Variants in OVCH1 observed in about 807,000 individuals in gnomAD.
The protein encoded by OVCH1 is ovochymase-1.
Under a neutral mutation model 138.4 loss-of-function variants are expected in OVCH1, and 139 were observed. The ratio of observed to expected loss-of-function variants is 1.00; its 90% CI spans 0.87 to 1.16. OVCH1 has a LOEUF of 1.16. Among genes scored for constraint, OVCH1 ranks in the 50% most tolerant of loss-of-function variants. The probability of loss-of-function intolerance (pLI) is 0.00; values close to 1 mark genes in which losing one functional copy is unlikely to be tolerated. For synonymous variants in OVCH1, 453 were observed against 467.8 expected (o/e 0.97, Z 0.41); for missense variants, 1,367 against 1,357.9 (o/e 1.01, Z -0.11).
exon 25 of OVCH1, chr12:29,443,380 T>C: frequency 1.2e-6 from 2 of 1,611,172 alleles, no homozygotes; most frequent in Non-Finnish European, 1.7e-6. Context: ...TTTTTCCTGG[T>C]CCAAATCCTT....
intron 16 of OVCH1, 41 bp downstream of exon 16, chr12:29,471,761 G>A (rs774035403): frequency 5.8e-6 from 9 of 1,550,672 alleles, no homozygotes; most frequent in Non-Finnish European, 7.9e-6. Flanking sequence ...ACTTACAAAT[G>A]CATGTGCTAA....
chr12:29,497,520 G>C, intron 1 of OVCH1, 103 bp downstream of exon 1: 1 of 1,349,424 alleles, frequency 7.4e-7, no homozygotes, highest in Non-Finnish European at 1.0e-6. Context: ...CCTCAGGTGT[G>C]GCTATACCAC....
chr12:29,496,578 G>T, exon 2 of OVCH1: 1 of 1,611,186 alleles, frequency 6.2e-7, no homozygotes, highest in Non-Finnish European at 8.5e-7. Context: ...TCCAGTCACT[G>T]TTGAATTTCT....
At chr12:29,474,060 A>AACACACACACAT (rs1942610222) in intron 14 of OVCH1, among the ~76,000 whole-genome samples, 1 of 115,232 alleles carries the variant, frequency 8.7e-6, no homozygotes, top group Non-Finnish European at 1.9e-5. Context: ...ATACTTAATA[A>AACACACACACAT]ACACACACAC....
intron 27 of OVCH1, among the ~76,000 whole-genome samples, chr12:29,429,680 G>A (rs1255137774): frequency 1.3e-5 from 2 of 152,166 alleles, no homozygotes; most frequent in Non-Finnish European, 2.9e-5. Context: ...AAGTCCAAGT[G>A]TAATTCAGCA....
chr12:29,482,878 C>G (rs1239895423), intron 8 of OVCH1, among the ~76,000 whole-genome samples: 2 of 152,234 alleles, frequency 1.3e-5, no homozygotes, highest in African/African-American at 4.8e-5. Flanking sequence ...TATACAAATA[C>G]TTTGCTCAAA....
chr12:29,427,926 GA>G (rs1941205889), intron 27 of OVCH1, among the ~76,000 whole-genome samples: 1 of 152,102 alleles, frequency 6.6e-6, no homozygotes, highest in South Asian at 2.1e-4. Flanking sequence ...TGACACCTCT[GA>G]AATTTTGATT....
chr12:29,414,736 G>GA (rs1003970032), intron 3 of OVCH1, among the ~76,000 whole-genome samples: 11 of 151,274 alleles, frequency 7.3e-5, no homozygotes, highest in African/African-American at 1.5e-4. Flanking sequence ...CCTAGACCTG[G>GA]AAAAAAAAAA....
chr12:29,479,262 G>A (rs1236701204), intron 8 of OVCH1, among the ~76,000 whole-genome samples: 1 of 152,118 alleles, frequency 6.6e-6, no homozygotes, highest in Non-Finnish European at 1.5e-5. Flanking sequence ...AGATTCATGT[G>A]AGTTATTCAC....
exon 16 of OVCH1, chr12:29,471,980 C>T: frequency 1.2e-6 from 2 of 1,608,396 alleles, no homozygotes; most frequent in Non-Finnish European, 1.7e-6. Flanking sequence ...ATGCCACAGA[C>T]ATCTACAGTA....
intron 7 of OVCH1, 74 bp from the exon 8 acceptor site, chr12:29,486,422 G>T: frequency 8.4e-7 from 1 of 1,196,934 alleles, no homozygotes; most frequent in Non-Finnish European, 1.2e-6. Flanking sequence ...ACAATGTGAA[G>T]TTAAAAGAAT....
chr12:29,428,633 T>C (rs1421368333), intron 27 of OVCH1, among the ~76,000 whole-genome samples: 1 of 152,200 alleles, frequency 6.6e-6, no homozygotes, highest in Non-Finnish European at 1.5e-5. Flanking sequence ...AGAGCCATAC[T>C]TACTGATAGG....
intron 9 of OVCH1, 128 bp from the exon 11 acceptor site, chr12:29,477,606 C>G: frequency 6.2e-7 from 1 of 1,608,852 alleles, no homozygotes; most frequent in East Asian, 2.2e-5. Flanking sequence ...TTTAATGGTC[C>G]TTTGATCATT....
Position 29,450,491 on chromosome 12 carries a change from G to A in OVCH1, c.2755+854C>T, listed in dbSNP as rs548372267. On this transcript the variant is annotated intron_variant, in intron 22 of 27. Transcript: ENST00000318184. ...ATACCATCTCACTCCAGTTAGAATGGCGATTATTAAAAAGTCAGGAAACAA... is the reference window on the plus strand; with the variant it reads ...ATACCATCTCACTCCAGTTAGAATGACGATTATTAAAAAGTCAGGAAACAA... Among the ~76,000 whole-genome samples the A allele has an allele frequency of 7.9e-5, 12 of 152,264 alleles. No individual in the cohort carries two copies. The South Asian group carries it at 2.3e-3, about 29-fold the overall frequency.
At chr12:29,435,460 G>C (rs1941341112) in intron 26 of OVCH1, among the ~76,000 whole-genome samples, 1 of 151,988 alleles carries the variant, frequency 6.6e-6, no homozygotes, top group Non-Finnish European at 1.5e-5. Context: ...TCCTCCTTCT[G>C]GGTTCACGCC....
At chr12:29,495,611 A>G (rs1300230742) in intron 3 of OVCH1, among the ~76,000 whole-genome samples, 154 bp from the exon 4 acceptor site, 1 of 151,304 alleles carries the variant, frequency 6.6e-6, no homozygotes, top group East Asian at 1.9e-4. Flanking sequence ...ACCAATGGTC[A>G]TATTTTTTTT....
chr12:29,467,250 A>G (rs557926925), intron 16 of OVCH1, among the ~76,000 whole-genome samples: 1 of 152,322 alleles, frequency 6.6e-6, no homozygotes, highest in South Asian at 2.1e-4. Flanking sequence ...TATATAGAAG[A>G]GAGTGTATAC....
intron 8 of OVCH1, among the ~76,000 whole-genome samples, chr12:29,485,932 G>A (rs892350378): frequency 1.3e-5 from 2 of 150,190 alleles, no homozygotes; most frequent in Non-Finnish European, 2.9e-5. Flanking sequence ...ATGACAGAGT[G>A]AGACTCCATC....
chr12:29,459,098 A>G lies in OVCH1; in HGVS notation c.2280+2756T>C, dbSNP rs142405164. ...TGTGGACATTCCTCAAAAAAATAAT[A>G]CAAATACCATTGATCTAGCAATCCC... is the stretch of plus-strand genomic sequence containing the variant. On this transcript the variant is annotated intron_variant, in intron 19 of 27. Coordinates refer to ENST00000318184, the Ensembl canonical transcript of OVCH1. Among the ~76,000 whole-genome samples the G allele has an allele frequency of 2.8e-3, 430 of 152,284 alleles. 4 individuals carry two copies. The highest frequency in any genetic ancestry group is 9.7e-3 in the African/African-American group (404 of 41,558).
Sources: allele counts gnomAD v4.1 joint callset (sites outside exome capture counted in the v4.1 genomes callset), GRCh38; gene constraint gnomAD v4.1.1; transcripts MANE v1.5; gene names NCBI Gene and HGNC (gene_info 2026-07-23, HGNC 2026-07-21).